GABRR2: variants seen among roughly 807,000 people sequenced by gnomAD.
GABRR2 encodes gamma-aminobutyric acid receptor subunit rho-2.
A neutral mutation model predicts 47.0 loss-of-function variants in GABRR2; 36 were observed. The ratio of observed to expected loss-of-function variants is 0.77; its 90% CI spans 0.59 to 1.01. The LOEUF (loss-of-function observed/expected upper bound fraction) is 1.01, where lower values mean the gene tolerates loss of function less well. Among genes scored for constraint, GABRR2 ranks in the 50% least tolerant of loss-of-function variants. The probability of loss-of-function intolerance (pLI) is 0.00; values close to 1 mark genes in which losing one functional copy is unlikely to be tolerated. For missense variants in GABRR2, 587 were observed against 594.6 expected (o/e 0.99, Z 0.13); for synonymous variants, 204 against 227.5 (o/e 0.90, Z 0.93).
intron 1 of GABRR2, among the ~76,000 whole-genome samples, chr6:89,301,433 AT>A (rs1267422863): frequency 6.6e-6 from 1 of 152,158 alleles, no homozygotes. Context: ...AAGTCAAACT[AT>A]TCTTGTTTGC....
chr6:89,281,052 T>C (rs1774248681), intron 2 of GABRR2, among the ~76,000 whole-genome samples: 1 of 152,256 alleles, frequency 6.6e-6, no homozygotes, highest in African/African-American at 2.4e-5. Context: ...TTTAAAGAAA[T>C]AGATCCACAT....
rs1277102048 is a variant in GABRR2 at position 89,315,282 on chromosome 6, G to A, written c.-117C>T. ...TCCTGACGGGCTGCTCTGAGGGGCT[G>A]TGAGGGCAAGGCTGGCCAGGCTAGT... On this transcript the variant is annotated 5_prime_UTR_variant, in exon 1 of 9. Coordinates refer to ENST00000402938, the MANE Select transcript of GABRR2 (RefSeq NM_002043.5). The A allele has an allele frequency of 1.3e-6, 2 of 1,573,116 alleles. No homozygotes were observed. The highest frequency in any genetic ancestry group is 8.6e-7 in the Non-Finnish European group (1 of 1,158,424).
chr6:89,288,413 G>A (rs1187350232), intron 2 of GABRR2, among the ~76,000 whole-genome samples: 1 of 152,114 alleles, frequency 6.6e-6, no homozygotes, highest in East Asian at 1.9e-4. Flanking sequence ...GGGGTCTTCA[G>A]CCCAGGCACC....
intron 8 of GABRR2, among the ~76,000 whole-genome samples, chr6:89,263,140 C>T (rs896812116): frequency 6.6e-6 from 1 of 152,178 alleles, no homozygotes; most frequent in Non-Finnish European, 1.5e-5. Flanking sequence ...AGGACCAAAC[C>T]TTCTCTTTCG....
At chr6:89,301,726 T>C in intron 1 of GABRR2, 1 of 647,104 alleles carries the variant, frequency 1.5e-6, no homozygotes, top group East Asian at 2.8e-5. Flanking sequence ...ATCAGAGATG[T>C]CAGCAGCCAG....
intron 2 of GABRR2, among the ~76,000 whole-genome samples, chr6:89,280,688 C>T (rs1774244646): frequency 6.6e-6 from 1 of 152,182 alleles, no homozygotes; most frequent in Non-Finnish European, 1.5e-5. Flanking sequence ...GCATTCCAAC[C>T]TGTGCCATGG....
At chr6:89,277,319 C>A (rs1774178996) in intron 2 of GABRR2, among the ~76,000 whole-genome samples, 1 of 152,188 alleles carries the variant, frequency 6.6e-6, no homozygotes, top group Non-Finnish European at 1.5e-5. Flanking sequence ...TGAGGCTTCC[C>A]AAGCCGTGCT....
chr6:89,278,603 C>A (rs1280657703), intron 2 of GABRR2, among the ~76,000 whole-genome samples: 1 of 152,178 alleles, frequency 6.6e-6, no homozygotes, highest in African/African-American at 2.4e-5. Flanking sequence ...TTCTAGGGGG[C>A]TTTTCCTGAG....
Position 89,299,793 on chromosome 6 carries a change from G to T in GABRR2, c.186C>A (p.Asp62Glu), listed in dbSNP as rs34617047. The change falls in exon 2 of 9, where the codon GAC (aspartate) becomes GAA (glutamate). Residue 62 changes from aspartate (D) to glutamate (E), a missense_variant. Transcript: ENST00000402938. ...KGKPQQLLRV[D>E]EHDFSMRPAF... is the part of the protein sequence containing the mutation. ...CGGGTCTCATGCTGAAGTCGTGCTC[G>T]TCCACTCTGAGAAGCTGCTGAGGCT... 3.1e-6 allele frequency: 5 copies of T among 1,613,804 alleles called. No individual in the cohort carries two copies. Among genetic ancestry groups the T allele is most frequent in the Non-Finnish European group, 4.2e-6 (5 of 1,179,730 alleles).
rs1394691875 is a variant in GABRR2 at position 89,269,205 on chromosome 6, A to G, written c.318T>C (p.His106=). 5 of 1,614,020 alleles carry G rather than the reference A, an allele frequency of 3.1e-6. No homozygotes were observed. The South Asian group carries it at 5.5e-5, about 18-fold the overall frequency. The change falls in exon 4 of 9, where the codon CAT becomes CAC. Residue 106 remains histidine, a synonymous_variant. Transcript: ENST00000402938. ...MDFTMTLYLR[H]YWKDERLAFS... ...AAGCTAGCCTCTCATCCTTCCAGTA[A>G]TGCCGCAGGTACAGGGTCATAGTGA...
At chr6:89,312,653 G>T (rs956850360) in intron 1 of GABRR2, among the ~76,000 whole-genome samples, 7 of 152,194 alleles carry the variant, frequency 4.6e-5, no homozygotes, top group African/African-American at 1.7e-4. Context: ...TGACACCTGC[G>T]TGTCAATAAT....
intron 6 of GABRR2, 72 bp from the exon 7 acceptor site, chr6:89,265,837 G>A (rs1001786092): frequency 2.6e-5 from 39 of 1,472,826 alleles, no homozygotes; most frequent in South Asian, 8.7e-5. Context: ...CTGGGAACCC[G>A]TCTTTCACTG....
In GABRR2 at chr6:89,299,840, C is replaced by T. The variant is rs768876205; in HGVS notation, c.139G>A (p.Val47Met). The T allele has an allele frequency of 6.2e-6, 10 of 1,613,418 alleles. No individual in the cohort carries two copies. In the South Asian group the frequency reaches 1.1e-4, roughly 18 times the overall value. The change falls in exon 2 of 9, where the codon GTG (valine) becomes ATG (methionine). Residue 47 changes from valine (V) to methionine (M), a missense_variant. Val to Met is a conservative substitution (Grantham distance 21). Transcript: ENST00000402938. ...PSHLYKKNLD[V>M]TKIRKGKPQQ... ...GGCTTTCCCTTCCGGATCTTGGTCA[C>T]ATCAAGGTTCTTCTTATATAAGTGA...
rs779410330 is a variant in GABRR2 at position 89,269,023 on chromosome 6, A to G, written c.500T>C (p.Leu167Pro). The G allele has an allele frequency of 6.2e-7, 1 of 1,613,874 alleles. No individual in the cohort carries two copies. Among genetic ancestry groups the G allele is most frequent in the Non-Finnish European group, 8.5e-7 (1 of 1,179,706 alleles). Residue 167 changes from leucine (L) to proline (P), a missense_variant, in exon 4 of 9, where the codon CTG becomes CCG. By Grantham distance (98) the Leu-to-Pro change is moderately conservative. Coordinates refer to ENST00000402938, the MANE Select transcript of GABRR2 (RefSeq NM_002043.5). ...MLRVFPDGHV[L>P]YSMRITVTAM... ...CCCAGACAGCTACCTCATGCTGTAC[A>G]GCACGTGTCCATCTGGGAACACCCT... is the stretch of plus-strand genomic sequence containing the variant.
chr6:89,262,014 G>A (rs112494214), intron 8 of GABRR2, among the ~76,000 whole-genome samples: 2,868 of 145,136 alleles, frequency 0.02, 45 homozygotes, highest in Middle Eastern at 0.031. Flanking sequence ...GGGTGACAGA[G>A]TCAGACCCTG....
rs774903809 is a variant in GABRR2, at chr6:89,257,633, A to C, written c.*37T>G. 41 of 1,542,456 alleles carry C rather than the reference A, an allele frequency of 2.7e-5. No homozygotes were observed. In the South Asian group the frequency reaches 4.7e-4, roughly 18 times the overall value. ...GTCAATGACTGGCCAGGCCCCCTCG[A>C]TGTCTATGCCCTCTTCTAGGAACAG... is the stretch of plus-strand genomic sequence containing the variant. On this transcript the variant is annotated 3_prime_UTR_variant, in exon 9 of 9. Transcript: ENST00000402938.
chr6:89,284,207 G>A (rs546678231), intron 2 of GABRR2, among the ~76,000 whole-genome samples: 42 of 152,250 alleles, frequency 2.8e-4, no homozygotes, highest in African/African-American at 9.9e-4. Flanking sequence ...GGAGCCTTCT[G>A]GGAGCTGGAA....
rs183165529 is a variant in GABRR2, at chr6:89,267,124, C to T, written c.736+555G>A. Among the ~76,000 whole-genome samples the T allele has an allele frequency of 4.0e-5, 6 of 151,780 alleles. No individual in the cohort carries two copies. In the East Asian group the frequency reaches 7.8e-4, roughly 20 times the overall value. ...AAGCAATTCTCCTGTCTCAGCCTCC[C>T]GAGTAGCTGGGATTACAGGTGCATA... On this transcript the variant is annotated intron_variant, in intron 6 of 8. Transcript: ENST00000402938.
intron 8 of GABRR2, among the ~76,000 whole-genome samples, chr6:89,261,129 G>T (rs781353952): frequency 4.6e-5 from 7 of 152,206 alleles, no homozygotes; most frequent in Non-Finnish European, 1.0e-4. Flanking sequence ...AGGGCAAGTT[G>T]TGCCGGTGAA....
Sources: allele counts gnomAD v4.1 joint callset (sites outside exome capture counted in the v4.1 genomes callset), GRCh38; gene constraint gnomAD v4.1.1; transcripts MANE v1.5; gene names NCBI Gene and HGNC (gene_info 2026-07-23, HGNC 2026-07-21).